The following RNLS variants were observed in gnomAD, a reference collection of about 807,000 sequenced individuals.
RNLS encodes the protein renalase, FAD dependent amine oxidase.
RNLS carries 39 observed loss-of-function variants against 39.8 expected under a neutral mutation model. The ratio of observed to expected loss-of-function variants is 0.98; its 90% confidence interval spans 0.76 to 1.28. The LOEUF (loss-of-function observed/expected upper bound fraction) is 1.28. Among genes scored for constraint, RNLS ranks in the 50% most tolerant of loss-of-function variants. The pLI, the probability that RNLS is intolerant of heterozygous loss-of-function variation, is 0.00. For missense variants in RNLS, 410 were observed against 413.3 expected, an observed-to-expected ratio of 0.99 and a Z score of 0.07; for synonymous variants, 147 against 150.7, an observed-to-expected ratio of 0.98 and a Z score of 0.18.
chr10:88,392,613 T>C (rs1852276527), intron 4 of RNLS, among the ~76,000 whole-genome samples: 1 of 152,200 alleles, frequency 6.6e-6, no homozygotes, highest in Admixed American at 6.5e-5. Context: ...AGAAATCACA[T>C]ATTAAATAAT....
intron 4 of RNLS, among the ~76,000 whole-genome samples, chr10:88,532,798 G>A (rs1174021781): frequency 1.3e-5 from 2 of 151,916 alleles, no homozygotes; most frequent in African/African-American, 4.8e-5. Context: ...TTACATAAAG[G>A]CAATGAAAAT....
chr10:88,415,434 C>G (rs1853955016), intron 4 of RNLS, among the ~76,000 whole-genome samples: 1 of 152,204 alleles, frequency 6.6e-6, no homozygotes, highest in Non-Finnish European at 1.5e-5. Context: ...AAAACAAAAT[C>G]TCAACCATCC....
intron 6 of RNLS, among the ~76,000 whole-genome samples, chr10:88,276,854 A>C (rs1842829468): frequency 6.6e-6 from 1 of 152,216 alleles, no homozygotes; most frequent in Admixed American, 6.5e-5. Context: ...ATAATGGAAA[A>C]AATTCATAAT....
At chr10:88,352,187 T>C (rs1249428214) in intron 5 of RNLS, among the ~76,000 whole-genome samples, 3 of 152,254 alleles carry the variant, frequency 2.0e-5, no homozygotes, top group Admixed American at 2.0e-4. Flanking sequence ...TGAATACCCT[T>C]TATTTCTTTC....
chr10:88,256,516 T>C, the RNLS span, among the ~76,000 whole-genome samples: 1 of 152,194 alleles, frequency 6.6e-6, no homozygotes, highest in Non-Finnish European at 1.5e-5. Flanking sequence ...CCATCCGCCT[T>C]CTTCAGACAG....
chr10:88,285,228 AATG>A lies in RNLS; in HGVS notation c.*123_*125del. 7.2e-7 allele frequency: 1 copy of A among 1,386,498 alleles called. No individual in the cohort carries two copies. 85.9% of individuals were successfully genotyped at this position (1,386,498 alleles called of 1,614,324 possible). A position where few individuals can be genotyped will look rare whatever the true frequency, so the allele number is the denominator to read the frequency against. On this transcript the variant is annotated 3_prime_UTR_variant, in exon 7 of 7. Coordinates refer to ENST00000331772, the MANE Select transcript of RNLS (RefSeq NM_001031709.3). Reference sequence around the variant, plus strand: ...AATTGATTTTATACTCCACATGAAAAATGATAATAAGTGAAGAACAATTTTCCA... The same window carrying A: ...AATTGATTTTATACTCCACATGAAAAATAATAAGTGAAGAACAATTTTCCA...
At chr10:88,529,883 C>T (rs1847316265) in intron 4 of RNLS, among the ~76,000 whole-genome samples, 1 of 152,120 alleles carries the variant, frequency 6.6e-6, no homozygotes, top group Admixed American at 6.6e-5. Context: ...GTTTCTTCTC[C>T]CTCTCCCACT....
chr10:88,380,349 T>C (rs894759369), intron 4 of RNLS, among the ~76,000 whole-genome samples: 3 of 150,082 alleles, frequency 2.0e-5, no homozygotes, highest in African/African-American at 7.4e-5. Flanking sequence ...TTTTTTAGTC[T>C]TGGGGTTTTG....
At chr10:88,328,638 A>G (rs1412373202) in intron 5 of RNLS, among the ~76,000 whole-genome samples, 2 of 152,200 alleles carry the variant, frequency 1.3e-5, no homozygotes, top group African/African-American at 4.8e-5. Context: ...GATATATTTA[A>G]GCATACATAT....
chr10:88,219,876 C>G, the RNLS span, among the ~76,000 whole-genome samples: 1 of 152,346 alleles, frequency 6.6e-6, no homozygotes, highest in Admixed American at 6.5e-5. Flanking sequence ...TCCCCCTGCT[C>G]CTGAGCTCCT....
intron 4 of RNLS, among the ~76,000 whole-genome samples, chr10:88,417,288 G>A (rs1854089983): frequency 6.6e-6 from 1 of 152,164 alleles, no homozygotes; most frequent in African/African-American, 2.4e-5. Flanking sequence ...TGTGGTTTGA[G>A]AAGATATTTC....
the RNLS span, among the ~76,000 whole-genome samples, chr10:88,254,116 C>T: frequency 6.6e-6 from 1 of 152,120 alleles, no homozygotes; most frequent in Non-Finnish European, 1.5e-5. Context: ...TTTTTAATGT[C>T]CCATTCTCAC....
intron 4 of RNLS, among the ~76,000 whole-genome samples, chr10:88,411,748 C>A (rs1407597463): frequency 6.6e-6 from 1 of 152,098 alleles, no homozygotes; most frequent in African/African-American, 2.4e-5. Flanking sequence ...TAATACTGAA[C>A]CACTTCAGAG....
chr10:88,337,325 A>C (rs1200909679), intron 5 of RNLS, among the ~76,000 whole-genome samples: 1 of 152,188 alleles, frequency 6.6e-6, no homozygotes, highest in Non-Finnish European at 1.5e-5. Context: ...TCAGCTGCTC[A>C]GCATCCACTA....
the RNLS span, among the ~76,000 whole-genome samples, chr10:88,180,579 T>C: frequency 1.3e-5 from 2 of 152,252 alleles, no homozygotes; most frequent in African/African-American, 4.8e-5. Context: ...TTAAAAAATG[T>C]ACGTGTGCGT....
intron 3 of RNLS, among the ~76,000 whole-genome samples, chr10:88,575,194 T>G (rs1850113895): frequency 1.2e-5 from 1 of 85,082 alleles, no homozygotes; most frequent in African/African-American, 5.2e-5. Context: ...TATATATATA[T>G]ACTATATATA....
intron 3 of RNLS, among the ~76,000 whole-genome samples, chr10:88,578,556 T>G (rs1459739956): frequency 6.6e-6 from 1 of 152,058 alleles, no homozygotes; most frequent in Non-Finnish European, 1.5e-5. Flanking sequence ...CTCGAAGTAT[T>G]ACAAGAATAA....
intron 4 of RNLS, among the ~76,000 whole-genome samples, chr10:88,488,703 T>C (rs1489037323): frequency 6.6e-6 from 1 of 152,018 alleles, no homozygotes; most frequent in East Asian, 1.9e-4. Context: ...TGACGGCTAA[T>C]AGAGCAAAAG....
chr10:88,477,694 C>T (rs933356182), intron 4 of RNLS, among the ~76,000 whole-genome samples: 2 of 152,210 alleles, frequency 1.3e-5, no homozygotes, highest in African/African-American at 2.4e-5. Context: ...AAAGGCTTCA[C>T]ATGCATCATC....
Sources: allele counts gnomAD v4.1 joint callset (sites outside exome capture counted in the v4.1 genomes callset), GRCh38; gene constraint gnomAD v4.1.1; transcripts MANE v1.5; gene names NCBI Gene and HGNC (gene_info 2026-07-23, HGNC 2026-07-21).